PUDP: variants seen among roughly 807,000 people sequenced by gnomAD.
PUDP encodes pseudouridine-5'-phosphatase.
PUDP carries 8 observed loss-of-function variants against 9.4 expected under a neutral mutation model. The observed-to-expected ratio is 0.85, with a 90% CI of 0.50 to 1.53. The LOEUF (loss-of-function observed/expected upper bound fraction) is 1.53, where lower values mean the gene tolerates loss of function less well. Ranked by LOEUF, PUDP falls within the 40% of genes most tolerant of loss-of-function variation. PUDP has a pLI of 0.00. For synonymous variants in PUDP, 99 were observed against 80.7 expected, an observed-to-expected ratio of 1.23 and a Z score of -1.22; for missense variants, 188 against 189.7, an observed-to-expected ratio of 0.99 and a Z score of 0.05.
chrX:7,027,460 ATG>A (rs759600811), intron 1 of PUDP, among the ~76,000 whole-genome samples: 12 of 105,205 alleles, frequency 1.1e-4, no homozygotes, highest in East Asian at 6.0e-4. Context: ...ATACATATAT[ATG>A]TGTGTGTGTG....
intron 1 of PUDP, among the ~76,000 whole-genome samples, chrX:7,038,006 T>A (rs1307223557): frequency 1.8e-5 from 2 of 112,293 alleles, no homozygotes; most frequent in Non-Finnish European, 3.8e-5. Flanking sequence ...TGTAATTCTA[T>A]GAGAATGATG....
chrX:7,030,729 C>T (rs1329534534), intron 1 of PUDP, among the ~76,000 whole-genome samples: 2 of 111,119 alleles, frequency 1.8e-5, no homozygotes, highest in Admixed American at 9.5e-5. Flanking sequence ...GCCTCTCAGA[C>T]GTTACTGGCT....
At chrX:6,980,599 C>A (rs1929018534) in intron 1 of PUDP, among the ~76,000 whole-genome samples, 1 of 109,527 alleles carries the variant, frequency 9.1e-6, no homozygotes. Context: ...ACTCAAGGTG[C>A]ATTACAGCCG....
At chrX:6,872,359 G>A (rs1927188257) in intron 3 of PUDP, among the ~76,000 whole-genome samples, 1 of 110,863 alleles carries the variant, frequency 9.0e-6, no homozygotes, top group Non-Finnish European at 1.9e-5. Context: ...ATTCGATTAG[G>A]ATCCACCTTA....
chrX:6,901,833 G>T (rs1413548491), intron 3 of PUDP, among the ~76,000 whole-genome samples: 1 of 112,175 alleles, frequency 8.9e-6, no homozygotes, highest in Non-Finnish European at 1.9e-5. Flanking sequence ...CTGGTTTCTT[G>T]CAAAGCTAGA....
chrX:7,036,591 A>G (rs1459350331), intron 1 of PUDP, among the ~76,000 whole-genome samples: 1 of 98,084 alleles, frequency 1.0e-5, no homozygotes, highest in Non-Finnish European at 2.0e-5. Flanking sequence ...GTTCTTTTCC[A>G]TCTCACATGC....
At chrX:7,005,897 C>A (rs1212061845) in intron 1 of PUDP, among the ~76,000 whole-genome samples, 4 of 111,297 alleles carry the variant, frequency 3.6e-5, no homozygotes, top group Non-Finnish European at 5.6e-5. Flanking sequence ...ATTTTGACTG[C>A]TCTAGGGACT....
At chrX:6,968,008 GC>G (rs748023903) in intron 3 of PUDP, among the ~76,000 whole-genome samples, 4 of 112,158 alleles carry the variant, frequency 3.6e-5, no homozygotes, top group African/African-American at 6.5e-5. Context: ...TTTAGATCAG[GC>G]CCTTTTTGTC....
chrX:6,816,680 A>G (rs1282207590), intron 3 of PUDP, among the ~76,000 whole-genome samples: 4 of 99,755 alleles, frequency 4.0e-5, no homozygotes, highest in African/African-American at 1.4e-4. Flanking sequence ...CACTATATAT[A>G]CCATATAGCA....
intron 1 of PUDP, among the ~76,000 whole-genome samples, chrX:7,011,340 TTA>T (rs760428384): frequency 1.1e-3 from 124 of 111,899 alleles, no homozygotes; most frequent in Non-Finnish European, 2.0e-3. Flanking sequence ...TGGATTTCGT[TTA>T]GAGATTTAAG....
rs747942868 is a variant in PUDP, at chrX:7,055,940, TTGGCTCTCATGCTTCCTTTTAAGCACC to T, written c.511-5495_511-5469del. ...GAAAGGAGGTTCACCCTGACTGAAC[TTGGCTCTCATGCTTCCTTTTAAGCACC>T]TGGCTCTCATGCTTCCTTTTAAGCA... On this transcript the variant is annotated intron_variant, in intron 3 of 3. Transcript: ENST00000381077. Among the ~76,000 whole-genome samples, 96 of 111,679 alleles carry T rather than the reference TTGGCTCTCATGCTTCCTTTTAAGCACC, an allele frequency of 8.6e-4. 1 individual carries two copies. Among genetic ancestry groups the T allele is most frequent in the Admixed American group, 3.1e-3 (33 of 10,549 alleles).
chrX:7,041,802 T>A (rs765181044), intron 1 of PUDP, among the ~76,000 whole-genome samples: 1 of 110,705 alleles, frequency 9.0e-6, no homozygotes, highest in Non-Finnish European at 1.9e-5. Flanking sequence ...CCTGCATTAA[T>A]CCTGTCCAAG....
chrX:7,082,348 C>T (rs1931121375), intron 2 of PUDP, among the ~76,000 whole-genome samples: 1 of 112,509 alleles, frequency 8.9e-6, no homozygotes, highest in Non-Finnish European at 1.9e-5. Flanking sequence ...GCAGCTGCCG[C>T]GCGGTCTCAG....
intron 3 of PUDP, among the ~76,000 whole-genome samples, chrX:6,748,688 G>A (rs1273594063): frequency 8.9e-6 from 1 of 112,109 alleles, no homozygotes; most frequent in African/African-American, 3.2e-5. Flanking sequence ...ACTAAAAGAA[G>A]AGATTAAGGT....
intron 3 of PUDP, among the ~76,000 whole-genome samples, chrX:6,957,888 T>C (rs1928651694): frequency 8.9e-6 from 1 of 112,082 alleles, no homozygotes; most frequent in Admixed American, 9.5e-5. Flanking sequence ...TGGTGGCTCA[T>C]GCCTGTAACC....
chrX:7,023,952 G>A lies in PUDP; in HGVS notation c.205-45609C>T, dbSNP rs73455784. ...ATACATATCTTCTCAAATTTATTTC[G>A]AAATATTTCATATTTCTGAAGCTAC... On this transcript the variant is annotated intron_variant and NMD_transcript_variant, in intron 1 of 3. Transcript: ENST00000655425. 6.4e-3 allele frequency among the ~76,000 whole-genome samples: 718 copies of A among 111,568 alleles called. 10 individuals are homozygous for A. The highest frequency in any genetic ancestry group is 0.023 in the African/African-American group (692 of 30,747).
At chrX:6,815,886 C>A (rs1225437175) in intron 3 of PUDP, among the ~76,000 whole-genome samples, 1 of 109,157 alleles carries the variant, frequency 9.2e-6, no homozygotes, top group Non-Finnish European at 1.9e-5. Flanking sequence ...GGAGAATCAA[C>A]AGAGCAAATC....
chrX:6,788,437 T>C (rs1925684014), intron 3 of PUDP, among the ~76,000 whole-genome samples: 1 of 112,005 alleles, frequency 8.9e-6, no homozygotes, highest in Admixed American at 9.4e-5. Flanking sequence ...CTGTAGTGGC[T>C]TACACCTACA....
At chrX:6,737,437 G>A (rs1014909442) in intron 3 of PUDP, among the ~76,000 whole-genome samples, 3 of 111,355 alleles carry the variant, frequency 2.7e-5, no homozygotes, top group Non-Finnish European at 3.8e-5. Context: ...AGAAGGCAAC[G>A]TTTGAGCAAA....
Sources: allele counts gnomAD v4.1 joint callset (sites outside exome capture counted in the v4.1 genomes callset), GRCh38; gene constraint gnomAD v4.1.1; transcripts MANE v1.5; gene names NCBI Gene and HGNC (gene_info 2026-07-23, HGNC 2026-07-21).